Variants in GUCY2F observed in about 807,000 individuals in gnomAD.
The protein encoded by GUCY2F is retinal guanylyl cyclase 2.
In GUCY2F, 61 loss-of-function variants were observed where a neutral mutation model predicts 73.1. That is an observed-to-expected ratio of 0.83 (90% CI 0.68 to 1.03). The LOEUF is 1.03. GUCY2F is among the 50% of genes least tolerant of loss of function. The pLI, the probability that GUCY2F is intolerant of heterozygous loss-of-function variation, is 0.00. For synonymous variants in GUCY2F, 331 were observed against 307.8 expected (o/e 1.08, Z -0.79); for missense variants, 912 against 854.3 (o/e 1.07, Z -0.84).
intron 7 of GUCY2F, among the ~76,000 whole-genome samples, chrX:109,435,505 T>A (rs1377917196): frequency 9.0e-6 from 1 of 110,880 alleles, no homozygotes; most frequent in East Asian, 2.8e-4. Flanking sequence ...TAAAGTTGCT[T>A]ATCAGCTTAA....
At chrX:109,458,922 AC>A (rs1932311808) in intron 3 of GUCY2F, among the ~76,000 whole-genome samples, 1 of 111,145 alleles carries the variant, frequency 9.0e-6, no homozygotes. Context: ...TGCCTTCAAA[AC>A]CCATGATCTT....
chrX:109,434,820 G>T (rs1271564369), intron 7 of GUCY2F, among the ~76,000 whole-genome samples: 1 of 111,229 alleles, frequency 9.0e-6, no homozygotes, highest in Non-Finnish European at 1.9e-5. Context: ...GTAAGGAAGG[G>T]ATCCAGTTTC....
intron 17 of GUCY2F, among the ~76,000 whole-genome samples, chrX:109,380,197 G>A (rs977086173): frequency 1.8e-5 from 2 of 112,063 alleles, no homozygotes; most frequent in African/African-American, 6.5e-5. Flanking sequence ...AAATCACACC[G>A]GGCTCACCAT....
intron 3 of GUCY2F, among the ~76,000 whole-genome samples, chrX:109,459,294 C>T (rs1189751501): frequency 9.0e-6 from 1 of 111,500 alleles, no homozygotes; most frequent in Non-Finnish European, 1.9e-5. Context: ...TAAGTGCTTG[C>T]AGAGGGAATT....
At chrX:109,377,086 C>G (rs766743057) in intron 17 of GUCY2F, among the ~76,000 whole-genome samples, 27 of 112,214 alleles carry the variant, frequency 2.4e-4, no homozygotes, top group South Asian at 2.2e-3. Context: ...CTTTAAATAT[C>G]AAGTCCACTG....
At chrX:109,422,473 C>A (rs1931392368) in intron 8 of GUCY2F, among the ~76,000 whole-genome samples, 1 of 111,376 alleles carries the variant, frequency 9.0e-6, no homozygotes, top group Non-Finnish European at 1.9e-5. Flanking sequence ...ATATGTTGTA[C>A]AACAATGTGA....
rs2267982 is a variant in GUCY2F at position 109,434,177 on chromosome X, A to G, written c.1702-3781T>C. On this transcript the variant is annotated intron_variant, in intron 7 of 19. Coordinates refer to ENST00000218006, the MANE Select transcript of GUCY2F (RefSeq NM_001522.3). Reference sequence around the variant, plus strand: ...AGTAGTCAGAAAATGAAGAGGGAAGATGAATTCAGTGGGTTCTCTCTGAAT... The same window carrying G: ...AGTAGTCAGAAAATGAAGAGGGAAGGTGAATTCAGTGGGTTCTCTCTGAAT... Among the ~76,000 whole-genome samples, 3 of 110,012 alleles carry G rather than the reference A, an allele frequency of 2.7e-5. No individual in the cohort carries two copies. In the East Asian group the frequency reaches 8.6e-4, roughly 32 times the overall value.
intron 3 of GUCY2F, among the ~76,000 whole-genome samples, chrX:109,457,417 T>A (rs1216794277): frequency 8.9e-6 from 1 of 111,785 alleles, no homozygotes; most frequent in African/African-American, 3.3e-5. Flanking sequence ...AAATGGCACA[T>A]CAATTTTGAA....
chrX:109,420,062 G>A (rs1292015374), intron 8 of GUCY2F, among the ~76,000 whole-genome samples: 3 of 108,897 alleles, frequency 2.8e-5, no homozygotes, highest in Non-Finnish European at 5.8e-5. Flanking sequence ...TTAATTCAAT[G>A]GAAAGCTTTT....
intron 15 of GUCY2F, 45 bp from the exon 16 acceptor site, chrX:109,385,327 C>T: frequency 1.5e-6 from 1 of 647,290 alleles, no homozygotes; most frequent in Admixed American, 2.8e-5. Context: ...CAGGTATGCA[C>T]CCAATGCTAA....
Position 109,452,079 on chromosome X carries a change from G to A in GUCY2F, c.1416C>T (p.Val472=), listed in dbSNP as rs752806571. Reference sequence around the variant, plus strand: ...GCAGGGCTATAAGCAAAGTAAGGCAGACCATCATGGCAAAGGCAGGGTCGA... The same window carrying A: ...GCAGGGCTATAAGCAAAGTAAGGCAAACCATCATGGCAAAGGCAGGGTCGA... ...GGIDPAFAMM[V]CLTLLIALLS... is the part of the protein sequence containing the mutation. The change falls in exon 5 of 20, where the codon GTC becomes GTT. Residue 472 remains valine (V), a synonymous_variant. Coordinates refer to ENST00000218006, the MANE Select transcript of GUCY2F (RefSeq NM_001522.3). The A allele has an allele frequency of 3.4e-4, 380 of 1,128,429 alleles. 3 individuals are homozygous for A. In the South Asian group the frequency reaches 6.5e-3, roughly 19 times the overall value. 93.0% of individuals were successfully genotyped at this position (1,128,429 alleles called of 1,213,427 possible). A position where few individuals can be genotyped will look rare whatever the true frequency, so the allele number is the denominator to read the frequency against.
chrX:109,454,253 A>G (rs967841017), intron 3 of GUCY2F, among the ~76,000 whole-genome samples: 1 of 111,866 alleles, frequency 8.9e-6, no homozygotes, highest in African/African-American at 3.2e-5. Context: ...TGGTAAAATC[A>G]TTTTGCTGGC....
chrX:109,388,399 G>A (rs960447664), intron 15 of GUCY2F, 90 bp downstream of exon 15: 1 of 716,737 alleles, frequency 1.4e-6, no homozygotes, highest in East Asian at 3.2e-5. Context: ...CGGTGGCCAG[G>A]AATCAGGGGA....
intron 11 of GUCY2F, among the ~76,000 whole-genome samples, chrX:109,397,555 A>G (rs1930738858): frequency 8.9e-6 from 1 of 112,496 alleles, no homozygotes; most frequent in Non-Finnish European, 1.9e-5. Context: ...TTACAGAAAA[A>G]TAGTACAAAG....
intron 7 of GUCY2F, among the ~76,000 whole-genome samples, chrX:109,435,505 T>G (rs1377917196): frequency 2.4e-4 from 27 of 110,928 alleles, no homozygotes; most frequent in African/African-American, 8.6e-4. Flanking sequence ...TAAAGTTGCT[T>G]ATCAGCTTAA....
chrX:109,374,305 G>A (rs2147247311), intron 19 of GUCY2F, among the ~76,000 whole-genome samples: 1 of 111,650 alleles, frequency 9.0e-6, no homozygotes, highest in South Asian at 3.8e-4. Context: ...ATGTGTTAAT[G>A]AGGCCAGGAC....
intron 2 of GUCY2F, among the ~76,000 whole-genome samples, chrX:109,474,097 A>C (rs955042770): frequency 8.9e-6 from 1 of 112,088 alleles, no homozygotes; most frequent in Admixed American, 9.5e-5. Context: ...ATCATAATTA[A>C]GGTCCAATAC....
At chrX:109,383,479 T>G (rs956671235) in intron 16 of GUCY2F, 1 of 416,297 alleles carries the variant, frequency 2.4e-6, no homozygotes, top group Non-Finnish European at 3.0e-6. Context: ...TGAAATAATT[T>G]TTTTATTAAT....
At position 109,372,979 on chromosome X, in the gene GUCY2F, A is replaced by T. The variant is rs1190809922; in HGVS notation, c.*22T>A. 3 of 113,081 alleles carry T rather than the reference A, an allele frequency of 2.7e-5. No individual in the cohort carries two copies. The highest frequency in any genetic ancestry group is 9.7e-5 in the African/African-American group (3 of 31,058). 9.3% of individuals were successfully genotyped at this position (113,081 alleles called of 1,213,427 possible). ...CCATTGCCTCACCAAGAGAAGATTC[A>T]AATCCTGGAGCCCTTTGCCCCTGGG... On this transcript the variant is annotated 3_prime_UTR_variant, in exon 20 of 20. Transcript: ENST00000218006.
Sources: allele counts gnomAD v4.1 joint callset (sites outside exome capture counted in the v4.1 genomes callset), GRCh38; gene constraint gnomAD v4.1.1; transcripts MANE v1.5; gene names NCBI Gene and HGNC (gene_info 2026-07-23, HGNC 2026-07-21).